CHRD: variants seen among roughly 807,000 people sequenced by gnomAD.
The protein encoded by CHRD is chordin.
In CHRD, 69 loss-of-function variants were observed where a neutral mutation model predicts 113.7. The observed-to-expected ratio is 0.61, with a 90% confidence interval of 0.50 to 0.74. CHRD has a LOEUF of 0.74. Ranked by LOEUF, CHRD falls within the 30% of genes least tolerant of loss-of-function variation. The probability of loss-of-function intolerance (pLI) is 0.00; values close to 1 mark genes in which losing one functional copy is unlikely to be tolerated. For synonymous variants in CHRD, 561 were observed against 540.8 expected, an observed-to-expected ratio of 1.04 and a Z score of -0.52; for missense variants, 1,194 against 1,295.8, an observed-to-expected ratio of 0.92 and a Z score of 1.21.
At chr3:184,389,390 C>A in exon 23 of CHRD, 1 of 1,613,732 alleles carries the variant, frequency 6.2e-7, no homozygotes, top group Non-Finnish European at 8.5e-7. Flanking sequence ...CAGAACTGAT[C>A]CAGAGCTGGA....
chr3:184,383,104 G>A lies in CHRD; in HGVS notation c.1154G>A (p.Trp385Ter), dbSNP rs1315328760. ...GGGGAGCTGCAGATGGCCCTGGAGT[G>A]GGCAGGCAGGCCAGGGCTGCGCATC... Residue 385 changes from tryptophan to a stop codon, truncating the protein, a stop_gained, in exon 10 of 23, where the codon TGG becomes TAG. Transcript: ENST00000204604. LOFTEE classifies it high-confidence loss of function. The A allele has an allele frequency of 6.2e-7, 1 of 1,611,634 alleles. No individual in the cohort carries two copies. The highest frequency in any genetic ancestry group is 8.5e-7 in the Non-Finnish European group (1 of 1,179,206).
chr3:184,386,174 T>TGGGCAGTGG lies in CHRD; in HGVS notation c.1932+27_1932+35dup, dbSNP rs767424912. The TGGGCAGTGG allele has an allele frequency of 9.3e-6, 15 of 1,611,976 alleles. No homozygotes were observed. The highest frequency in any genetic ancestry group is 1.2e-5 in the Non-Finnish European group (14 of 1,178,298). Reference sequence around the variant, plus strand: ...TCCGAGGGCAGGTAGGTGGCGAGTGTGGGCAGTGGGGGCAGTGGGGAGGGT... The same window carrying TGGGCAGTGG: ...TCCGAGGGCAGGTAGGTGGCGAGTGTGGGCAGTGGGGGCAGTGGGGGCAGTGGGGAGGGT... On this transcript the variant is annotated intron_variant, in intron 15 of 22. Coordinates refer to ENST00000204604, the Ensembl canonical transcript of CHRD.
At position 184,382,953 on chromosome 3, in the gene CHRD, G is replaced by A. The variant is rs370724774; in HGVS notation, c.1065+15G>A. 6 of 1,613,624 alleles carry A rather than the reference G, an allele frequency of 3.7e-6. No homozygotes were observed. Among genetic ancestry groups the A allele is most frequent in the Admixed American group, 3.3e-5 (2 of 59,944 alleles). On this transcript the variant is annotated intron_variant, in intron 9 of 22. Transcript: ENST00000204604. ...TCTCAGCCCAGGTGAGTGGGGATCT[G>A]GCTCTCGCTGCCACCTGTCTTGGCC... is the stretch of plus-strand genomic sequence containing the variant.
chr3:184,390,183 C>G (rs1716956408), downstream of CHRD: 1 of 142,008 alleles, frequency 7.0e-6, no homozygotes, highest in Admixed American at 7.2e-5. Flanking sequence ...CCTTCCCTTC[C>G]CTTTCTTTCC....
chr3:184,380,161 G>T lies in CHRD; in HGVS notation c.-158G>T. On this transcript the variant is annotated 5_prime_UTR_variant, in exon 1 of 23. Transcript: ENST00000204604. The surrounding 1 kb of genome is among the most constrained non-coding windows in gnomAD (Gnocchi z 6.3). Reference sequence around the variant, plus strand: ...CGCCGACTCTGCGGCCGCCCGACGAGCCCCTCGCGGCACTGCCCCGGCCCC... The same window carrying T: ...CGCCGACTCTGCGGCCGCCCGACGATCCCCTCGCGGCACTGCCCCGGCCCC... 6.8e-6 allele frequency: 1 copy of T among 147,028 alleles called. No individual in the cohort carries two copies. 9.1% of individuals were successfully genotyped at this position (147,028 alleles called of 1,614,324 possible). A position where few individuals can be genotyped will look rare whatever the true frequency, so the allele number is the denominator to read the frequency against.
downstream of CHRD, chr3:184,390,456 C>T (rs542203552): frequency 6.6e-6 from 1 of 151,736 alleles, no homozygotes; most frequent in East Asian, 1.9e-4. Flanking sequence ...TGTTTTTTTC[C>T]TGGAAACTCG....
chr3:184,387,321 G>A lies in CHRD; in HGVS notation c.2348-53G>A. On this transcript the variant is annotated intron_variant, in intron 18 of 22. Coordinates refer to ENST00000204604, the Ensembl canonical transcript of CHRD. This position sits in a 1 kb window ranked among gnomAD's most constrained non-coding sequence, Gnocchi z 6.1. ...GGCCTGAGGCTCAAGCCTTGGTTGT[G>A]GGCCCAGCTGATGAGCTCATACTAA... 4 of 1,556,260 alleles carry A rather than the reference G, an allele frequency of 2.6e-6. No homozygotes were observed. The highest frequency in any genetic ancestry group is 3.5e-6 in the Non-Finnish European group (4 of 1,149,232).
chr3:184,383,421 A>T lies in CHRD; in HGVS notation c.1320+3A>T, dbSNP rs1715783866. 1 of 1,613,652 alleles carries T rather than the reference A, an allele frequency of 6.2e-7. No individual in the cohort carries two copies. The highest frequency in any genetic ancestry group is 1.1e-5 in the South Asian group (1 of 91,064). On this transcript the variant is annotated splice_donor_region_variant and intron_variant, in intron 11 of 22. Transcript: ENST00000204604. ...GAAATGGCTCCCTGATCTATCAGGT[A>T]AGAGCCAGGGGCTGCAGAAGGTGGG...
chr3:184,388,089 C>G lies in CHRD; in HGVS notation c.2554+56C>G, dbSNP rs1716607149. The stretch of plus-strand genomic sequence containing the variant: ...ACCTTTGGGTTGAGGCAGGCTTTGT[C>G]CTGGGTGAGGGGAAGGGTGCTCAGT... On this transcript the variant is annotated intron_variant, in intron 20 of 22. Coordinates refer to ENST00000204604, the Ensembl canonical transcript of CHRD. This position sits in a 1 kb window ranked among gnomAD's most constrained non-coding sequence, Gnocchi z 6.1. 1.3e-6 allele frequency: 2 copies of G among 1,482,304 alleles called. No individual in the cohort carries two copies. Among genetic ancestry groups the G allele is most frequent in the African/African-American group, 1.4e-5 (1 of 72,672 alleles). 91.8% of individuals were successfully genotyped at this position (1,482,304 alleles called of 1,614,324 possible).
chr3:184,389,635 G>A (rs1419063474), exon 23 of CHRD: 2 of 560,720 alleles, frequency 3.6e-6, no homozygotes, highest in African/African-American at 1.9e-5. Context: ...TCCAAGTCCT[G>A]CCCTGCCACC....
intron 15 of CHRD, 154 bp from the exon 16 acceptor site, chr3:184,386,338 C>T (rs1716276276): frequency 1.6e-6 from 2 of 1,272,428 alleles, no homozygotes; most frequent in East Asian, 5.1e-5. Context: ...GGCACCCTAT[C>T]CCTGGCAGCT....
Position 184,380,330 on chromosome 3 carries a change from CCCGGCCCCG to C in CHRD, c.23_31del (p.Pro8_Pro10del), listed in dbSNP as rs757586631. The stretch of plus-strand genomic sequence containing the variant: ...GTCCCGTTCGCGTCATGCCGAGCCT[CCCGGCCCCG>C]CCGGCCCCGCTGCTGCTCCTCGGGC... On this transcript the variant is annotated inframe_deletion, in exon 1 of 23. Coordinates refer to ENST00000204604, the Ensembl canonical transcript of CHRD. This position sits in a 1 kb window ranked among gnomAD's most constrained non-coding sequence, Gnocchi z 6.3. 7.5e-6 allele frequency: 10 copies of C among 1,334,496 alleles called. No homozygotes were observed. Among genetic ancestry groups the C allele is most frequent in the African/African-American group, 1.6e-5 (1 of 64,350 alleles). 82.7% of individuals were successfully genotyped at this position (1,334,496 alleles called of 1,614,324 possible). A position where few individuals can be genotyped will look rare whatever the true frequency, so the allele number is the denominator to read the frequency against.
intron 10 of CHRD, 52 bp from the exon 11 acceptor site, chr3:184,383,260 G>T (rs571451090): frequency 6.3e-7 from 1 of 1,593,970 alleles, no homozygotes; most frequent in East Asian, 2.2e-5. Context: ...TGGACTGGGG[G>T]TGTAAGCGGC....
Position 184,381,521 on chromosome 3 carries a change from G to T in CHRD, c.408G>T (p.Pro136=). Residue 136 remains proline, a synonymous_variant, in exon 4 of 23, where the codon CCG becomes CCT. Coordinates refer to ENST00000204604, the Ensembl canonical transcript of CHRD. The surrounding 1 kb of genome is among the most constrained non-coding windows in gnomAD (Gnocchi z 4.7). ...AGCGCAGCAGTTCGGAGCGGCAGCCGAGCGGCCTGTCCTTCGAGTATCCGC... is the reference window on the plus strand; with the variant it reads ...AGCGCAGCAGTTCGGAGCGGCAGCCTAGCGGCCTGTCCTTCGAGTATCCGC... 2 of 1,601,178 alleles carry T rather than the reference G, an allele frequency of 1.2e-6. No individual in the cohort carries two copies. Among genetic ancestry groups the T allele is most frequent in the Non-Finnish European group, 1.7e-6 (2 of 1,174,302 alleles).
In CHRD at chr3:184,381,631, G is replaced by T. The variant is rs1050852388; in HGVS notation, c.511+7G>T. The T allele has an allele frequency of 1.2e-6, 2 of 1,605,016 alleles. No individual in the cohort carries two copies. The highest frequency in any genetic ancestry group is 2.7e-5 in the African/African-American group (2 of 74,938). On this transcript the variant is annotated splice_region_variant and intron_variant, in intron 4 of 22. Coordinates refer to ENST00000204604, the Ensembl canonical transcript of CHRD. The surrounding 1 kb of genome is among the most constrained non-coding windows in gnomAD (Gnocchi z 4.7). ...CGTGGTGACGGCCACACGGGTAGGG[G>T]GCTGGCGAACAGCGGGGTTGTGGTT...
Position 184,381,165 on chromosome 3 carries a change from CCT to C in CHRD, c.253-69_253-68del. ...AGAGCTGGCTGACTCTGCGGGACAT[CCT>C]TGCCTGGGGGGGTCTCATCAGTTGG... On this transcript the variant is annotated intron_variant, in intron 2 of 22. Transcript: ENST00000204604. This position sits in a 1 kb window ranked among gnomAD's most constrained non-coding sequence, Gnocchi z 4.7. The C allele has an allele frequency of 2.5e-6, 4 of 1,583,144 alleles. No homozygotes were observed. Among genetic ancestry groups the C allele is most frequent in the Non-Finnish European group, 3.5e-6 (4 of 1,155,682 alleles).
At position 184,388,421 on chromosome 3, in the gene CHRD, A is replaced by ATCCG. The variant is rs1560314463; in HGVS notation, c.2555-163_2555-162insGTCC. 2.9e-5 allele frequency among the ~76,000 whole-genome samples: 4 copies of ATCCG among 136,270 alleles called. No homozygotes were observed. The highest frequency in any genetic ancestry group is 1.0e-4 in the African/African-American group (4 of 38,890). The allele number at this position is 136,270 out of a possible 152,430, so 89.4% of individuals were successfully genotyped here. A position where few individuals can be genotyped will look rare whatever the true frequency, so the allele number is the denominator to read the frequency against. ...CATCCATCCATCCATCCATCCATCC[A>ATCCG]TCCATCCATCCGTCCCTTCATCCAT... On this transcript the variant is annotated intron_variant, in intron 20 of 22. Transcript: ENST00000204604. This position sits in a 1 kb window ranked among gnomAD's most constrained non-coding sequence, Gnocchi z 6.1.
At chr3:184,386,329 G>A (rs1716275161) in intron 15 of CHRD, 163 bp from the exon 16 acceptor site, 2 of 1,257,558 alleles carry the variant, frequency 1.6e-6, no homozygotes, top group African/African-American at 1.5e-5. Flanking sequence ...TGGCAGCCCG[G>A]CACCCTATCC....
intron 15 of CHRD, 118 bp downstream of exon 15, chr3:184,386,277 C>A: frequency 7.9e-7 from 1 of 1,260,070 alleles, no homozygotes; most frequent in Non-Finnish European, 1.1e-6. Flanking sequence ...CGTATCACAG[C>A]GCCCCCCCGG....
Sources: gnomAD v4.1 joint callset for allele counts (sites outside exome capture counted in the v4.1 genomes callset) on GRCh38, gnomAD v4.1.1 for gene constraint, Gnocchi (gnomAD v3.1) non-coding constraint, MANE v1.5 for transcripts, NCBI Gene and HGNC (gene_info 2026-07-23, HGNC 2026-07-21) for gene names.